The following CSGALNACT1 variants were observed in gnomAD, a reference collection of about 807,000 sequenced individuals.
The protein encoded by CSGALNACT1 is beta4GalNAcT-1.
Under a neutral mutation model 51.0 loss-of-function variants are expected in CSGALNACT1, and 52 were observed. The observed-to-expected ratio is 1.02, with a 90% confidence interval of 0.82 to 1.29. CSGALNACT1 has a LOEUF of 1.29. Among genes scored for constraint, CSGALNACT1 ranks in the 50% most tolerant of loss-of-function variants. The probability of loss-of-function intolerance (pLI) is 0.00; values close to 1 mark genes in which losing one functional copy is unlikely to be tolerated. For missense variants in CSGALNACT1, 935 were observed against 679.2 expected (o/e 1.38, Z -4.19); for synonymous variants, 341 against 254.4 (o/e 1.34, Z -3.24).
intron 1 of CSGALNACT1, among the ~76,000 whole-genome samples, chr8:19,712,146 C>T (rs968482921): frequency 6.6e-6 from 1 of 152,194 alleles, no homozygotes; most frequent in Non-Finnish European, 1.5e-5. Flanking sequence ...CTGCCTCAGC[C>T]TCCTGAGTAG....
At chr8:19,519,890 C>T (rs1210237092) in intron 3 of CSGALNACT1, among the ~76,000 whole-genome samples, 2 of 152,154 alleles carry the variant, frequency 1.3e-5, no homozygotes, top group Admixed American at 6.5e-5. Context: ...TGGATCTGCA[C>T]AGTGGCCTCC....
At chr8:19,720,596 T>A (rs1020859000) in intron 1 of CSGALNACT1, among the ~76,000 whole-genome samples, 1 of 152,192 alleles carries the variant, frequency 6.6e-6, no homozygotes, top group Admixed American at 6.5e-5. Context: ...AGTGGCTCCC[T>A]TCCCCGGACA....
At chr8:19,444,635 C>G (rs1024190094) in intron 5 of CSGALNACT1, among the ~76,000 whole-genome samples, 1 of 152,202 alleles carries the variant, frequency 6.6e-6, no homozygotes, top group Non-Finnish European at 1.5e-5. Context: ...GCTCTAAATG[C>G]AGAGGCCAGT....
At chr8:19,571,903 A>T (rs1468589687) in intron 3 of CSGALNACT1, among the ~76,000 whole-genome samples, 1 of 152,220 alleles carries the variant, frequency 6.6e-6, no homozygotes, top group Non-Finnish European at 1.5e-5. Flanking sequence ...AGGGCCTACA[A>T]AGATAAGATG....
intron 4 of CSGALNACT1, among the ~76,000 whole-genome samples, chr8:19,481,357 C>A (rs1183575591): frequency 6.6e-6 from 1 of 152,260 alleles, no homozygotes; most frequent in Non-Finnish European, 1.5e-5. Flanking sequence ...ATTTTCCCAA[C>A]TCAGAGTAGA....
chr8:19,664,346 C>T (rs1202530327), intron 1 of CSGALNACT1, among the ~76,000 whole-genome samples: 2 of 151,948 alleles, frequency 1.3e-5, no homozygotes, highest in African/African-American at 4.8e-5. Context: ...CAGACGTTGG[C>T]GAGGAGGTGC....
At chr8:19,672,777 A>G (rs1485838126) in intron 1 of CSGALNACT1, among the ~76,000 whole-genome samples, 1 of 152,238 alleles carries the variant, frequency 6.6e-6, no homozygotes, top group Non-Finnish European at 1.5e-5. Context: ...CACCAAGATG[A>G]AAAAGCCTGA....
exon 10 of CSGALNACT1, chr8:19,404,343 G>T (rs924989741): frequency 5.3e-5 from 24 of 453,434 alleles, no homozygotes; most frequent in Non-Finnish European, 9.3e-5. Flanking sequence ...CAGAAGCAAG[G>T]ACTCAAAGAG....
chr8:19,415,973 T>C (rs1047840062), intron 8 of CSGALNACT1, among the ~76,000 whole-genome samples: 2 of 152,188 alleles, frequency 1.3e-5, no homozygotes, highest in African/African-American at 4.8e-5. Context: ...AAAAATCTGA[T>C]GTAAAAGATT....
In CSGALNACT1 at chr8:19,481,037, G is replaced by A. The variant is rs556176170; in HGVS notation, c.635-22395C>T. Among the ~76,000 whole-genome samples, 63 of 152,258 alleles carry A rather than the reference G, an allele frequency of 4.1e-4. No individual in the cohort carries two copies. The South Asian group carries it at 0.011, about 27-fold the overall frequency. On this transcript the variant is annotated intron_variant, in intron 4 of 9. Coordinates refer to ENST00000454498, the Ensembl canonical transcript of CSGALNACT1. Reference sequence around the variant, plus strand: ...ATCTGCCCGTCCAAGTGCCTAAAATGTTGTCTACTGCTGGAAATATCACAG... The same window carrying A: ...ATCTGCCCGTCCAAGTGCCTAAAATATTGTCTACTGCTGGAAATATCACAG...
At chr8:19,505,411 C>G in exon 4 of CSGALNACT1, 1 of 1,614,240 alleles carries the variant, frequency 6.2e-7, no homozygotes, top group South Asian at 1.1e-5. Flanking sequence ...GCTGCATACT[C>G]TGTGGCCAGC....
At chr8:19,647,693 G>A (rs1315747046) in intron 1 of CSGALNACT1, among the ~76,000 whole-genome samples, 6 of 152,138 alleles carry the variant, frequency 3.9e-5, no homozygotes, top group African/African-American at 1.2e-4. Context: ...TAAAGAAATT[G>A]CAAATATCTT....
rs546567069 is a variant in CSGALNACT1 at position 19,613,244 on chromosome 8, A to T, written c.-543-11379T>A. Among the ~76,000 whole-genome samples, 24 of 152,292 alleles carry T rather than the reference A, an allele frequency of 1.6e-4. No homozygotes were observed. In the South Asian group the frequency reaches 4.8e-3, roughly 30 times the overall value. On this transcript the variant is annotated intron_variant, in intron 1 of 9. Transcript: ENST00000332246. ...CATACTCTCACCTATTTTCAAAAAC[A>T]TCCTGTTCTAGCTCAGAACATATAA... is the stretch of plus-strand genomic sequence containing the variant.
intron 1 of CSGALNACT1, among the ~76,000 whole-genome samples, chr8:19,744,539 A>G (rs923101665): frequency 1.3e-5 from 2 of 152,192 alleles, no homozygotes; most frequent in African/African-American, 2.4e-5. Flanking sequence ...TCCTGCCCCT[A>G]TTAAATCCAG....
chr8:19,480,185 A>G (rs1408212190), intron 4 of CSGALNACT1, among the ~76,000 whole-genome samples: 1 of 152,166 alleles, frequency 6.6e-6, no homozygotes, highest in Non-Finnish European at 1.5e-5. Context: ...TGCCCCAGGA[A>G]TTTATTGTAC....
In CSGALNACT1 at chr8:19,473,520, G is replaced by C. The variant is rs1453567182; in HGVS notation, c.635-14878C>G. Among the ~76,000 whole-genome samples, 8 of 152,178 alleles carry C rather than the reference G, an allele frequency of 5.3e-5. No homozygotes were observed. In the East Asian group the frequency reaches 1.5e-3, roughly 29 times the overall value. ...GTGGTTGACCAACACCCATGGTACA[G>C]ACTTGCAGCCTAACCCTGGCTTCAC... On this transcript the variant is annotated intron_variant, in intron 4 of 9. Transcript: ENST00000454498.
intron 4 of CSGALNACT1, among the ~76,000 whole-genome samples, chr8:19,469,249 G>A (rs1321722449): frequency 6.6e-6 from 1 of 152,084 alleles, no homozygotes; most frequent in African/African-American, 2.4e-5. Flanking sequence ...AAATTAGCAG[G>A]GCATGGTGCT....
At chr8:19,497,720 TC>T (rs2075731588) in intron 4 of CSGALNACT1, among the ~76,000 whole-genome samples, 1 of 152,002 alleles carries the variant, frequency 6.6e-6, no homozygotes, top group African/African-American at 2.4e-5. Context: ...TCCTCGGGCC[TC>T]CAAATTACTA....
chr8:19,609,781 A>G (rs2051943068), intron 1 of CSGALNACT1, among the ~76,000 whole-genome samples: 1 of 152,162 alleles, frequency 6.6e-6, no homozygotes, highest in South Asian at 2.1e-4. Context: ...ATGTGTATAC[A>G]TATGTCAAAA....
Sources: allele counts gnomAD v4.1 joint callset (sites outside exome capture counted in the v4.1 genomes callset), GRCh38; gene constraint gnomAD v4.1.1; transcripts MANE v1.5; gene names NCBI Gene and HGNC (gene_info 2026-07-23, HGNC 2026-07-21).